The following CREBL2 variants were observed in gnomAD, a reference collection of about 807,000 sequenced individuals.
CREBL2 encodes the protein cAMP responsive element binding protein like 2, also known as cAMP-responsive element-binding protein-like 2.
CREBL2 carries 4 observed loss-of-function variants against 19.5 expected under a neutral mutation model. The observed-to-expected ratio is 0.20, with a 90% CI of 0.10 to 0.47. The LOEUF is 0.47. CREBL2 is among the 20% of genes least tolerant of loss of function. CREBL2 has a pLI of 0.98. For missense variants in CREBL2, 85 were observed against 145.1 expected, an observed-to-expected ratio of 0.59 and a Z score of 2.13; for synonymous variants, 42 against 46.6, an observed-to-expected ratio of 0.90 and a Z score of 0.40.
intron 1 of CREBL2, among the ~76,000 whole-genome samples, chr12:12,624,591 C>T (rs949512592): frequency 6.6e-6 from 1 of 152,200 alleles, no homozygotes. Context: ...TTGGTGCTAG[C>T]AGGAGTGAAC....
rs139190358 is a variant in CREBL2, at chr12:12,623,706, G to A, written c.15+11519G>A. ...TGAATGGTGGCCCCTAAAAAGATAT[G>A]TCCATGTCTGAATCCCTGGAACCTG... On this transcript the variant is annotated intron_variant, in intron 1 of 3. Coordinates refer to ENST00000228865, the MANE Select transcript of CREBL2 (RefSeq NM_001310.4). Among the ~76,000 whole-genome samples the A allele has an allele frequency of 2.0e-3, 304 of 152,284 alleles. 1 individual carries two copies. Among genetic ancestry groups the A allele is most frequent in the Non-Finnish European group, 3.4e-3 (231 of 68,012 alleles).
At chr12:12,632,940 A>G (rs1280161358) in intron 1 of CREBL2, among the ~76,000 whole-genome samples, 1 of 148,988 alleles carries the variant, frequency 6.7e-6, no homozygotes, top group African/African-American at 2.5e-5. Context: ...TTTATTTTTT[A>G]CTTTTTGTTT....
At chr12:12,621,670 A>G (rs1301858343) in intron 1 of CREBL2, among the ~76,000 whole-genome samples, 1 of 152,206 alleles carries the variant, frequency 6.6e-6, no homozygotes, top group African/African-American at 2.4e-5. Flanking sequence ...CCAAATTACA[A>G]TATACCTGGT....
At chr12:12,627,456 T>C (rs10845596) in intron 1 of CREBL2, among the ~76,000 whole-genome samples, 66,865 of 152,102 alleles carry the variant, frequency 0.44, 16,595 homozygotes, top group Non-Finnish European at 0.56. Context: ...ACTTTAAGTC[T>C]CTATAGATTT....
intron 3 of CREBL2, among the ~76,000 whole-genome samples, chr12:12,641,250 A>ATTTTT (rs1248375488): frequency 0.099 from 5,386 of 54,336 alleles, 847 homozygotes; most frequent in Non-Finnish European, 0.14. Context: ...TATTATTATT[A>ATTTTT]TTATTTTTTT....
At chr12:12,616,215 G>A (rs1478034209) in intron 1 of CREBL2, among the ~76,000 whole-genome samples, 1 of 152,040 alleles carries the variant, frequency 6.6e-6, no homozygotes, top group African/African-American at 2.4e-5. Context: ...CAAATAAGTC[G>A]AAGAAAAATA....
intron 1 of CREBL2, among the ~76,000 whole-genome samples, chr12:12,618,692 G>A (rs1652486254): frequency 6.6e-6 from 1 of 152,216 alleles, no homozygotes; most frequent in Admixed American, 6.5e-5. Flanking sequence ...CTGGGAGGTG[G>A]AGGTTGTAGC....
At chr12:12,619,692 A>T (rs1945345708) in intron 1 of CREBL2, among the ~76,000 whole-genome samples, 1 of 152,222 alleles carries the variant, frequency 6.6e-6, no homozygotes, top group African/African-American at 2.4e-5. Flanking sequence ...AGAGGCTTTG[A>T]TCATAGATAG....
intron 1 of CREBL2, chr12:12,632,522 A>T (rs1177107236): frequency 6.6e-6 from 1 of 152,240 alleles, no homozygotes. Flanking sequence ...TCCATGAAGT[A>T]CACTGTGTTC....
intron 2 of CREBL2, 86 bp from the exon 3 acceptor site, chr12:12,637,484 C>T: frequency 1.1e-6 from 1 of 892,920 alleles, no homozygotes; most frequent in Non-Finnish European, 1.5e-6. Flanking sequence ...AGGATTTCTA[C>T]CAGTGGTTCC....
intron 1 of CREBL2, among the ~76,000 whole-genome samples, chr12:12,613,398 G>A (rs1945282842): frequency 6.6e-6 from 1 of 152,194 alleles, no homozygotes; most frequent in African/African-American, 2.4e-5. Context: ...CTTTACGATA[G>A]CTTTGTCCTT....
Position 12,642,510 on chromosome 12 carries a change from C to G in CREBL2, c.*512C>G, listed in dbSNP as rs1373869221. ...TTTATTTACTTGAGTAATGTTTATTCTCTGCATGAACCATGATTTCTCCTG... is the reference window on the plus strand; with the variant it reads ...TTTATTTACTTGAGTAATGTTTATTGTCTGCATGAACCATGATTTCTCCTG... On this transcript the variant is annotated 3_prime_UTR_variant, in exon 4 of 4. Transcript: ENST00000228865. 1 of 152,684 alleles carries G rather than the reference C, an allele frequency of 6.5e-6. No homozygotes were observed. The highest frequency in any genetic ancestry group is 1.5e-5 in the Non-Finnish European group (1 of 68,144). The allele number at this position is 152,684 out of a possible 1,614,324, so 9.5% of individuals were successfully genotyped here. A position where few individuals can be genotyped will look rare whatever the true frequency, so the allele number is the denominator to read the frequency against.
chr12:12,617,855 G>A (rs1945324575), intron 1 of CREBL2, among the ~76,000 whole-genome samples: 1 of 150,472 alleles, frequency 6.6e-6, no homozygotes, highest in Non-Finnish European at 1.5e-5. Context: ...CTTGAGATTA[G>A]GGAATGGTGA....
intron 1 of CREBL2, among the ~76,000 whole-genome samples, chr12:12,634,363 G>A (rs1945459804): frequency 6.6e-6 from 1 of 152,222 alleles, no homozygotes; most frequent in Admixed American, 6.5e-5. Flanking sequence ...GCCTAGGCAG[G>A]TAATTGAGTA....
chr12:12,621,916 A>G (rs544504253), intron 1 of CREBL2, among the ~76,000 whole-genome samples: 8 of 152,350 alleles, frequency 5.3e-5, no homozygotes, highest in African/African-American at 9.6e-5. Flanking sequence ...GCCAATGGCT[A>G]TATGGAGAAC....
In CREBL2 at chr12:12,643,490, T is replaced by A. The variant is rs1279815084; in HGVS notation, c.*1492T>A. On this transcript the variant is annotated 3_prime_UTR_variant, in exon 4 of 4. Coordinates refer to ENST00000228865, the MANE Select transcript of CREBL2 (RefSeq NM_001310.4). ...TATATTTTGTTCTGAACTGGCAGTT[T>A]AAGAGGAGATACCGTAGTCTAGATT... The A allele has an allele frequency of 1.3e-5, 2 of 152,562 alleles. No individual in the cohort carries two copies. The highest frequency in any genetic ancestry group is 2.9e-5 in the Non-Finnish European group (2 of 68,034). The allele number at this position is 152,562 out of a possible 1,614,324, so 9.5% of individuals were successfully genotyped here.
chr12:12,631,473 A>G (rs1025486769), intron 1 of CREBL2, among the ~76,000 whole-genome samples: 1 of 152,248 alleles, frequency 6.6e-6, no homozygotes, highest in Non-Finnish European at 1.5e-5. Flanking sequence ...GGTTATTTTC[A>G]TAGTTTTCTT....
chr12:12,627,988 T>G lies in CREBL2; in HGVS notation c.16-7789T>G, dbSNP rs556464909. The stretch of plus-strand genomic sequence containing the variant: ...TCCAACTCCCGGGTTCAAGCGATTC[T>G]CCTGCCTCAGCCTCCCGAGTAGCTG... On this transcript the variant is annotated intron_variant, in intron 1 of 3. Coordinates refer to ENST00000228865, the MANE Select transcript of CREBL2 (RefSeq NM_001310.4). 1.2e-4 allele frequency among the ~76,000 whole-genome samples: 18 copies of G among 152,282 alleles called. No homozygotes were observed. In the South Asian group the frequency reaches 1.2e-3, roughly 11 times the overall value.
chr12:12,615,304 G>T (rs951289499), intron 1 of CREBL2: 1 of 151,552 alleles, frequency 6.6e-6, no homozygotes, highest in African/African-American at 2.4e-5. Context: ...CGCCCACCTC[G>T]GCCTCCCAGA....
Sources: allele counts gnomAD v4.1 joint callset (sites outside exome capture counted in the v4.1 genomes callset), GRCh38; gene constraint gnomAD v4.1.1; transcripts MANE v1.5; gene names NCBI Gene and HGNC (gene_info 2026-07-23, HGNC 2026-07-21).